The following IKBKB variants were observed in gnomAD, a reference collection of about 807,000 sequenced individuals.
IKBKB encodes the protein inhibitor of nuclear factor kappa-B kinase subunit beta.
IKBKB carries 42 observed loss-of-function variants against 113.6 expected under a neutral mutation model. The ratio of observed to expected loss-of-function variants is 0.37; its 90% CI spans 0.29 to 0.48. The LOEUF (loss-of-function observed/expected upper bound fraction) is 0.48. IKBKB is among the 20% of genes least tolerant of loss of function. The probability of loss-of-function intolerance (pLI) is 0.99; values close to 1 mark genes in which losing one functional copy is unlikely to be tolerated. For synonymous variants in IKBKB, 296 were observed against 361.3 expected, an observed-to-expected ratio of 0.82 and a Z score of 2.05; for missense variants, 673 against 939.7, an observed-to-expected ratio of 0.72 and a Z score of 3.71.
intron 2 of IKBKB, 112 bp downstream of exon 2, chr8:42,272,317 TG>T: frequency 6.9e-7 from 1 of 1,447,218 alleles, no homozygotes; most frequent in East Asian, 2.4e-5. Flanking sequence ...TTGGTCATCT[TG>T]GGACAGTGAA....
chr8:42,293,336 A>C (rs748188506), intron 4 of IKBKB, 107 bp from the exon 5 acceptor site: 24 of 1,387,832 alleles, frequency 1.7e-5, no homozygotes, highest in Non-Finnish European at 2.1e-5. Context: ...CCTAAAGACC[A>C]GGGCCCAGGG....
chr8:42,306,656 C>T (rs1332117988), intron 7 of IKBKB, among the ~76,000 whole-genome samples: 1 of 152,226 alleles, frequency 6.6e-6, no homozygotes, highest in Non-Finnish European at 1.5e-5. Context: ...GGGCTCTGCT[C>T]ATGCGCCTTG....
intron 7 of IKBKB, among the ~76,000 whole-genome samples, chr8:42,308,150 G>A (rs1044659434): frequency 6.6e-6 from 1 of 152,130 alleles, no homozygotes; most frequent in Non-Finnish European, 1.5e-5. Context: ...ATTTGGTGTG[G>A]ACAGCCTGGC....
intron 5 of IKBKB, among the ~76,000 whole-genome samples, chr8:42,294,144 C>G (rs1813233327): frequency 6.6e-6 from 1 of 152,200 alleles, no homozygotes; most frequent in Admixed American, 6.5e-5. Context: ...GGGACTTGCT[C>G]AGAGCTTTTT....
At chr8:42,295,768 C>T (rs1463841891) in intron 5 of IKBKB, among the ~76,000 whole-genome samples, 1 of 152,046 alleles carries the variant, frequency 6.6e-6, no homozygotes, top group Non-Finnish European at 1.5e-5. Context: ...TAACTCTCAG[C>T]TTCCTCATAT....
In IKBKB at chr8:42,280,366, C is replaced by G. The variant is rs572310837; in HGVS notation, c.105+8161C>G. Among the ~76,000 whole-genome samples the G allele has an allele frequency of 1.4e-4, 21 of 152,260 alleles. No homozygotes were observed. The South Asian group carries it at 4.4e-3, about 32-fold the overall frequency. Reference sequence around the variant, plus strand: ...CCAGCCCAGGGGTCAGCACAAACCACTTCCCAGTACCGTTTAGATAGGCTG... The same window carrying G: ...CCAGCCCAGGGGTCAGCACAAACCAGTTCCCAGTACCGTTTAGATAGGCTG... On this transcript the variant is annotated intron_variant, in intron 2 of 21. Coordinates refer to ENST00000520810, the MANE Select transcript of IKBKB (RefSeq NM_001556.3).
chr8:42,320,658 G>T (rs1330495975), intron 15 of IKBKB, 77 bp from the exon 16 acceptor site: 34 of 1,198,090 alleles, frequency 2.8e-5, no homozygotes, highest in Non-Finnish European at 4.2e-5. Flanking sequence ...GGGTCCCCTG[G>T]TCTCGCTCCC....
chr8:42,296,305 T>C (rs1326458877), intron 5 of IKBKB, among the ~76,000 whole-genome samples: 1 of 151,622 alleles, frequency 6.6e-6, no homozygotes, highest in African/African-American at 2.4e-5. Context: ...GAGACTAGCC[T>C]GACTAACATG....
intron 2 of IKBKB, among the ~76,000 whole-genome samples, chr8:42,287,065 C>A (rs1401519682): frequency 6.6e-6 from 1 of 151,444 alleles, no homozygotes; most frequent in Non-Finnish European, 1.5e-5. Context: ...GTCTTGGAGA[C>A]CCCCCCATAG....
intron 2 of IKBKB, among the ~76,000 whole-genome samples, chr8:42,287,635 T>C (rs1385694495): frequency 6.6e-6 from 1 of 152,238 alleles, no homozygotes; most frequent in Non-Finnish European, 1.5e-5. Context: ...TTCCCTGCTC[T>C]GCAGGGTTAC....
rs1807893313 is a variant in IKBKB at position 42,272,069 on chromosome 8, C to T, written c.-18-14C>T. On this transcript the variant is annotated splice_polypyrimidine_tract_variant and intron_variant, in intron 1 of 21. Transcript: ENST00000520810. ...TAATCCTAACCTTTTTTCCCCATCCCAAATTGCTTATAGAGTTAGCACGAC... is the reference window on the plus strand; with the variant it reads ...TAATCCTAACCTTTTTTCCCCATCCTAAATTGCTTATAGAGTTAGCACGAC... 1 of 1,598,900 alleles carries T rather than the reference C, an allele frequency of 6.3e-7. No homozygotes were observed.
intron 5 of IKBKB, among the ~76,000 whole-genome samples, chr8:42,299,652 G>A (rs889833542): frequency 3.3e-5 from 5 of 152,164 alleles, no homozygotes; most frequent in African/African-American, 7.2e-5. Flanking sequence ...ACCTCTGCAC[G>A]TGACCCACAG....
At chr8:42,291,769 TA>T (rs1812693596) in intron 4 of IKBKB, among the ~76,000 whole-genome samples, 1 of 151,894 alleles carries the variant, frequency 6.6e-6, no homozygotes. Flanking sequence ...CCTCAAAAAA[TA>T]AAAAATGAAA....
chr8:42,322,003 C>G (rs750860671), intron 17 of IKBKB, 51 bp from the exon 18 acceptor site: 4 of 1,604,382 alleles, frequency 2.5e-6, no homozygotes, highest in Non-Finnish European at 1.7e-6. Flanking sequence ...TGGGGCATCA[C>G]TACTCTCTGC....
chr8:42,330,738 GA>G (rs1453743969), intron 21 of IKBKB, 175 bp from the exon 22 acceptor site: 1 of 831,868 alleles, frequency 1.2e-6, no homozygotes, highest in Non-Finnish European at 1.4e-6. Flanking sequence ...TCGAACTCCT[GA>G]CCTCATGATC....
At chr8:42,285,076 G>A (rs1811150253) in intron 2 of IKBKB, among the ~76,000 whole-genome samples, 2 of 151,890 alleles carry the variant, frequency 1.3e-5, no homozygotes, top group South Asian at 2.1e-4. Context: ...GGCTGGTCTC[G>A]AACTCCTGAC....
intron 9 of IKBKB, 72 bp downstream of exon 9, chr8:42,314,501 G>A (rs974169388): frequency 2.4e-5 from 23 of 972,444 alleles, no homozygotes; most frequent in African/African-American, 8.0e-5. Context: ...TTGGCTGGCC[G>A]TGGTGGCTCA....
intron 5 of IKBKB, among the ~76,000 whole-genome samples, chr8:42,300,552 A>G (rs1334184455): frequency 1.3e-5 from 2 of 151,968 alleles, no homozygotes; most frequent in Non-Finnish European, 2.9e-5. Flanking sequence ...TCTGTTCCCC[A>G]GTTTGTGGTT....
intron 16 of IKBKB, chr8:42,321,565 A>G (rs919566547): frequency 2.0e-5 from 5 of 247,228 alleles, no homozygotes; most frequent in East Asian, 8.0e-5. Context: ...CCTGTTGCCA[A>G]TGCTGGAGTG....
Sources: allele counts gnomAD v4.1 joint callset (sites outside exome capture counted in the v4.1 genomes callset), GRCh38; gene constraint gnomAD v4.1.1; transcripts MANE v1.5; gene names NCBI Gene and HGNC (gene_info 2026-07-23, HGNC 2026-07-21).